The following TRIM48 variants were observed in gnomAD, a reference collection of about 807,000 sequenced individuals.
TRIM48 encodes the protein E3 ubiquitin-protein ligase TRIM48.
TRIM48 carries 31 observed loss-of-function variants against 29.5 expected under a neutral mutation model. The ratio of observed to expected loss-of-function variants is 1.05; its 90% CI spans 0.79 to 1.42. The LOEUF (loss-of-function observed/expected upper bound fraction) is 1.42. TRIM48 is among the 40% of genes most tolerant of loss of function. The pLI is 0.00. For synonymous variants in TRIM48, 128 were observed against 90.6 expected, an observed-to-expected ratio of 1.41 and a Z score of -2.34; for missense variants, 344 against 265.0, an observed-to-expected ratio of 1.30 and a Z score of -2.07.
intron 3 of TRIM48, among the ~76,000 whole-genome samples, chr11:55,268,044 A>G (rs1210751107): frequency 1.4e-5 from 2 of 147,816 alleles, no homozygotes; most frequent in African/African-American, 5.0e-5. Context: ...ACTCATTTGG[A>G]TAATAGGTTC....
At position 55,262,377 on chromosome 11, in the gene TRIM48, TA is replaced by T. The variant is rs1857316219; in HGVS notation, c.44+71del. On this transcript the variant is annotated intron_variant, in intron 1 of 5. Transcript: ENST00000417545. ...TTTACAAAATAATAAATTAGAGTGT[TA>T]AAAATATCTCATTATCTTAAATCTA... 3 of 1,116,232 alleles carry T rather than the reference TA, an allele frequency of 2.7e-6. No individual in the cohort carries two copies. The Admixed American group carries it at 6.0e-5, about 23-fold the overall frequency. 69.1% of individuals were successfully genotyped at this position (1,116,232 alleles called of 1,614,324 possible). A position where few individuals can be genotyped will look rare whatever the true frequency, so the allele number is the denominator to read the frequency against.
intron 3 of TRIM48, among the ~76,000 whole-genome samples, chr11:55,266,911 C>G (rs1176995726): frequency 6.8e-6 from 1 of 147,442 alleles, no homozygotes; most frequent in Non-Finnish European, 1.5e-5. Context: ...GAAATGAATT[C>G]AGGGAGACAA....
rs764980481 is a variant in TRIM48 at position 55,264,878 on chromosome 11, C to T, written c.45-22C>T. 3 of 1,582,898 alleles carry T rather than the reference C, an allele frequency of 1.9e-6. 1 individual carries two copies. The highest frequency in any genetic ancestry group is 2.6e-6 in the Non-Finnish European group (3 of 1,166,110). ...TTCATCAACCCAGACCCCAAAATGACATGCTGCTCTTTCTTCCTCAGAAAC... is the reference window on the plus strand; with the variant it reads ...TTCATCAACCCAGACCCCAAAATGATATGCTGCTCTTTCTTCCTCAGAAAC... On this transcript the variant is annotated intron_variant, in intron 1 of 5. Transcript: ENST00000417545.
intron 1 of TRIM48, among the ~76,000 whole-genome samples, chr11:55,263,038 C>T (rs1565076672): frequency 6.6e-6 from 1 of 151,992 alleles, no homozygotes; most frequent in South Asian, 2.1e-4. Context: ...ATATATTAGT[C>T]AGGGCTCTCC....
In TRIM48 at chr11:55,265,043, C is replaced by A. The variant is rs1007971880; in HGVS notation, c.188C>A (p.Pro63Gln). 2 of 1,583,978 alleles carry A rather than the reference C, an allele frequency of 1.3e-6. No homozygotes were observed. Among genetic ancestry groups the A allele is most frequent in the Admixed American group, 1.7e-5 (1 of 58,556 alleles). ...TTCTACCTCAACTGGCAAGACATCC[C>A]AATTCTTACTCAGTGCTTTGAATGC... The part of the protein sequence containing the change: ...PCFYLNWQDI[P>Q]ILTQCFECIK... Residue 63 changes from proline (P) to glutamine (Q), a missense_variant, in exon 2 of 6, where the codon CCA becomes CAA. Transcript: ENST00000417545.
intron 1 of TRIM48, among the ~76,000 whole-genome samples, chr11:55,263,958 C>T (rs1474245696): frequency 6.6e-6 from 1 of 152,080 alleles, no homozygotes; most frequent in Non-Finnish European, 1.5e-5. Context: ...GGTACCCACT[C>T]AAACTGAGGG....
At position 55,265,445 on chromosome 11, in the gene TRIM48, C is replaced by CA. The variant is rs1314386960; in HGVS notation, c.459+134dup. ...ACTCTCTTTTGGGCTTTCTTAGCTT[C>CA]AAACCTCTGAGATTTGACGAGGAAG... is the stretch of plus-strand genomic sequence containing the variant. On this transcript the variant is annotated intron_variant, in intron 2 of 5. Transcript: ENST00000417545. The CA allele has an allele frequency of 2.0e-6, 3 of 1,495,714 alleles. 1 individual carries two copies. The highest frequency in any genetic ancestry group is 2.7e-6 in the Non-Finnish European group (3 of 1,111,086). 92.7% of individuals were successfully genotyped at this position (1,495,714 alleles called of 1,614,324 possible).
chr11:55,262,235 A>G lies in TRIM48; in HGVS notation c.-33A>G. On this transcript the variant is annotated 5_prime_UTR_variant, in exon 1 of 6. Coordinates refer to ENST00000417545, the MANE Select transcript of TRIM48 (RefSeq NM_024114.5). ...CTGAAACTCAGTACTGCAGCGAATG[A>G]GCTCCTGACCTTGAGGAGTACTTAA... The G allele has an allele frequency of 6.5e-7, 1 of 1,541,662 alleles. No individual in the cohort carries two copies.
intron 1 of TRIM48, among the ~76,000 whole-genome samples, chr11:55,264,516 C>T (rs1480327530): frequency 6.8e-6 from 1 of 147,846 alleles, no homozygotes; most frequent in Non-Finnish European, 1.5e-5. Flanking sequence ...TTGGCCAAGA[C>T]AGTTTTTCCC....
At chr11:55,266,589 G>A (rs1857396429) in intron 3 of TRIM48, among the ~76,000 whole-genome samples, 1 of 147,578 alleles carries the variant, frequency 6.8e-6, no homozygotes, top group Admixed American at 6.9e-5. Flanking sequence ...TAATCAAGCA[G>A]GGAAGTAGAA....
At chr11:55,262,346 C>T in intron 1 of TRIM48, 35 bp downstream of exon 1, 1 of 1,437,232 alleles carries the variant, frequency 7.0e-7, no homozygotes, top group Non-Finnish European at 9.6e-7. Flanking sequence ...ATTATATCTT[C>T]TTTCCTTTAC....
In TRIM48 at chr11:55,264,942, C is replaced by T. The variant is rs200170748; in HGVS notation, c.87C>T (p.Leu29=). The change falls in exon 2 of 6, where the codon CTC becomes CTT. Residue 29 remains leucine (L), a synonymous_variant. Transcript: ENST00000417545. ...SGISQVFQRE[L]TCPICMNYFI... ...TCTCGCAAGTCTTCCAGAGGGAACTCACCTGCCCCATCTGCATGAACTACT... is the reference window on the plus strand; with the variant it reads ...TCTCGCAAGTCTTCCAGAGGGAACTTACCTGCCCCATCTGCATGAACTACT... 1 of 1,583,842 alleles carries T rather than the reference C, an allele frequency of 6.3e-7. No individual in the cohort carries two copies.
rs1436807800 is a variant in TRIM48 at position 55,262,283 on chromosome 11, A to G, written c.16A>G (p.Ile6Val). The G allele has an allele frequency of 6.5e-7, 1 of 1,548,888 alleles. No individual in the cohort carries two copies. The highest frequency in any genetic ancestry group is 2.4e-5 in the East Asian group (1 of 40,876). MSRRI[I>V]VGTLQRTQRN... ...TAACAGAATTATGTCTCGAAGAATC[A>G]TTGTGGGAACCCTTCAAAGAACCCA... The change falls in exon 1 of 6, where the codon ATT becomes GTT. Residue 6 changes from isoleucine (I) to valine (V), a missense_variant. Transcript: ENST00000417545.
At position 55,270,433 on chromosome 11, in the gene TRIM48, G is replaced by A; in HGVS notation, c.*2-4G>A. ...TTCTATTTATTTATTTATTTATTTTGCAGTGGATATTACTCTGCATCACAA... is the reference window on the plus strand; with the variant it reads ...TTCTATTTATTTATTTATTTATTTTACAGTGGATATTACTCTGCATCACAA... On this transcript the variant is annotated splice_polypyrimidine_tract_variant and splice_region_variant and intron_variant, in intron 5 of 5. Transcript: ENST00000417545. 2.1e-6 allele frequency: 3 copies of A among 1,431,212 alleles called. 1 individual carries two copies. The highest frequency in any genetic ancestry group is 2.8e-6 in the Non-Finnish European group (3 of 1,055,678). The allele number at this position is 1,431,212 out of a possible 1,614,324, so 88.7% of individuals were successfully genotyped here. A position where few individuals can be genotyped will look rare whatever the true frequency, so the allele number is the denominator to read the frequency against.
At chr11:55,266,189 A>G (rs1424644636) in intron 3 of TRIM48, among the ~76,000 whole-genome samples, 1 of 147,680 alleles carries the variant, frequency 6.8e-6, no homozygotes, top group Non-Finnish European at 1.5e-5. Flanking sequence ...AAACTAATTA[A>G]TATTGAATAA....
intron 2 of TRIM48, 38 bp downstream of exon 2, chr11:55,265,352 C>T (rs1395160446): frequency 1.3e-6 from 2 of 1,580,206 alleles, no homozygotes; most frequent in Admixed American, 1.7e-5. Flanking sequence ...CTATAAAGGA[C>T]ACATGAAATT....
intron 3 of TRIM48, among the ~76,000 whole-genome samples, 198 bp downstream of exon 3, chr11:55,265,893 C>T (rs139681981): frequency 1.4e-5 from 2 of 146,890 alleles, no homozygotes; most frequent in Admixed American, 6.9e-5. Context: ...CTAACAAAAC[C>T]GTTGATGTTA....
At position 55,270,426 on chromosome 11, in the gene TRIM48, T is replaced by A. The variant is rs1565079911; in HGVS notation, c.*2-11T>A. The A allele has an allele frequency of 7.0e-7, 1 of 1,424,168 alleles. No individual in the cohort carries two copies. The highest frequency in any genetic ancestry group is 9.5e-7 in the Non-Finnish European group (1 of 1,055,586). 88.2% of individuals were successfully genotyped at this position (1,424,168 alleles called of 1,614,324 possible). ...TCTTTCTTTCTATTTATTTATTTAT[T>A]TATTTTGCAGTGGATATTACTCTGC... On this transcript the variant is annotated splice_polypyrimidine_tract_variant and intron_variant, in intron 5 of 5. Transcript: ENST00000417545.
chr11:55,271,033 C>A lies in TRIM48; in HGVS notation c.*598C>A. ...CCTTATCAAACAGGACAAATAGGTT[C>A]GGTTTTATGTCTTGAATTGCATTCT... On this transcript the variant is annotated 3_prime_UTR_variant, in exon 6 of 6. Transcript: ENST00000417545. The A allele has an allele frequency of 7.0e-7, 1 of 1,430,842 alleles. No homozygotes were observed. Among genetic ancestry groups the A allele is most frequent in the Non-Finnish European group, 9.4e-7 (1 of 1,060,834 alleles). The allele number at this position is 1,430,842 out of a possible 1,614,324, so 88.6% of individuals were successfully genotyped here.
Sources: allele counts gnomAD v4.1 joint callset (sites outside exome capture counted in the v4.1 genomes callset), GRCh38; gene constraint gnomAD v4.1.1; transcripts MANE v1.5; gene names NCBI Gene and HGNC (gene_info 2026-07-23, HGNC 2026-07-21).